The following SORCS1 variants were observed in gnomAD, a reference collection of about 807,000 sequenced individuals.
SORCS1 encodes the protein sortilin related VPS10 domain containing receptor 1.
Under a neutral mutation model 146.1 loss-of-function variants are expected in SORCS1, and 60 were observed. That is an observed-to-expected ratio of 0.41 (90% CI 0.33 to 0.51). The LOEUF (loss-of-function observed/expected upper bound fraction) is 0.51. Ranked by LOEUF, SORCS1 falls within the 20% of genes least tolerant of loss-of-function variation. The pLI, the probability that SORCS1 is intolerant of heterozygous loss-of-function variation, is 0.21. For missense variants in SORCS1, 1,352 were observed against 1,487.6 expected, an observed-to-expected ratio of 0.91 and a Z score of 1.50; for synonymous variants, 637 against 584.0, an observed-to-expected ratio of 1.09 and a Z score of -1.31.
chr10:106,621,601 G>C (rs568256750), intron 19 of SORCS1, among the ~76,000 whole-genome samples: 4 of 151,632 alleles, frequency 2.6e-5, no homozygotes, highest in African/African-American at 7.3e-5. Context: ...GACTCCTTCT[G>C]GGGGGGTCTA....
chr10:107,149,865 G>A (rs1968627175), intron 1 of SORCS1, among the ~76,000 whole-genome samples: 1 of 152,150 alleles, frequency 6.6e-6, no homozygotes, highest in Non-Finnish European at 1.5e-5. Context: ...ATCAACCCAA[G>A]ACCCAAGATA....
chr10:106,894,817 A>T (rs1453186778), intron 2 of SORCS1, among the ~76,000 whole-genome samples: 1 of 152,242 alleles, frequency 6.6e-6, no homozygotes, highest in East Asian at 1.9e-4. Flanking sequence ...GAAGAAAGCC[A>T]GGAGTTCTGG....
chr10:106,731,966 G>A (rs1323454246), intron 5 of SORCS1, among the ~76,000 whole-genome samples: 1 of 151,994 alleles, frequency 6.6e-6, no homozygotes, highest in Admixed American at 6.6e-5. Context: ...AAGGTCTGCG[G>A]GTTTTCTGAA....
chr10:106,756,978 C>A (rs1220116313), intron 5 of SORCS1, among the ~76,000 whole-genome samples: 1 of 152,088 alleles, frequency 6.6e-6, no homozygotes, highest in Non-Finnish European at 1.5e-5. Flanking sequence ...TGAGACTGAG[C>A]CCCCGTCTCC....
intron 2 of SORCS1, among the ~76,000 whole-genome samples, chr10:106,934,967 T>A (rs2138647101): frequency 6.6e-6 from 1 of 152,238 alleles, no homozygotes; most frequent in South Asian, 2.1e-4. Context: ...GGGCACAATA[T>A]ACACTACTCA....
chr10:106,592,637 T>C (rs1359997913), intron 24 of SORCS1, among the ~76,000 whole-genome samples: 6 of 152,204 alleles, frequency 3.9e-5, no homozygotes, highest in Non-Finnish European at 1.5e-5. Flanking sequence ...ATCCTGCTTA[T>C]GAGACATGAA....
At chr10:107,086,553 C>A (rs143801012) in intron 1 of SORCS1, among the ~76,000 whole-genome samples, 1 of 152,128 alleles carries the variant, frequency 6.6e-6, no homozygotes. Flanking sequence ...ATTTTGACTT[C>A]GCCATTTATA....
intron 2 of SORCS1, among the ~76,000 whole-genome samples, chr10:106,862,761 C>T (rs1352432005): frequency 6.1e-5 from 7 of 114,340 alleles, no homozygotes; most frequent in East Asian, 2.7e-4. Flanking sequence ...CTGGCTAACA[C>T]GGTGAAACCC....
chr10:106,723,890 T>C (rs2135958683), intron 6 of SORCS1, among the ~76,000 whole-genome samples: 1 of 152,120 alleles, frequency 6.6e-6, no homozygotes, highest in African/African-American at 2.4e-5. Context: ...ATAAAATAAA[T>C]TACCCAGAAT....
At chr10:106,751,958 A>G (rs947316417) in intron 5 of SORCS1, among the ~76,000 whole-genome samples, 2 of 152,214 alleles carry the variant, frequency 1.3e-5, no homozygotes, top group Non-Finnish European at 2.9e-5. Context: ...AGAAGACAAT[A>G]AAGAAATATA....
At chr10:106,995,002 A>G (rs1956931207) in intron 1 of SORCS1, among the ~76,000 whole-genome samples, 2 of 152,102 alleles carry the variant, frequency 1.3e-5, no homozygotes, top group South Asian at 2.1e-4. Flanking sequence ...AGGAGAGTGG[A>G]TATTAGCAGT....
intron 13 of SORCS1, 43 bp downstream of exon 13, chr10:106,677,270 A>G: frequency 6.5e-7 from 1 of 1,541,968 alleles, no homozygotes; most frequent in African/African-American, 1.4e-5. Context: ...TTAGCAGTTC[A>G]GGACCATCAG....
intron 1 of SORCS1, among the ~76,000 whole-genome samples, chr10:107,025,495 A>C (rs969301331): frequency 2.0e-5 from 3 of 152,222 alleles, no homozygotes; most frequent in African/African-American, 7.2e-5. Context: ...TAGAGGGTTA[A>C]ACTAGGGCCA....
intron 18 of SORCS1, among the ~76,000 whole-genome samples, chr10:106,647,007 GTATATA>G (rs57891596): frequency 0.67 from 89,860 of 133,522 alleles, 32,356 homozygotes; most frequent in Non-Finnish European, 0.8. Context: ...GTTTGTATGT[GTATATA>G]TATATATATA....
At chr10:106,577,798 G>T in intron 25 of SORCS1, 1 of 557,488 alleles carries the variant, frequency 1.8e-6, no homozygotes, top group Non-Finnish European at 2.7e-6. Flanking sequence ...CTTGAAGGCA[G>T]AAAAGACTTT....
intron 6 of SORCS1, among the ~76,000 whole-genome samples, chr10:106,723,772 A>C (rs530937768): frequency 6.6e-6 from 1 of 152,188 alleles, no homozygotes; most frequent in African/African-American, 2.4e-5. Context: ...ACACATTCCT[A>C]TGCAGACACT....
At chr10:106,640,898 C>G (rs1480718375) in intron 18 of SORCS1, among the ~76,000 whole-genome samples, 3 of 152,202 alleles carry the variant, frequency 2.0e-5, no homozygotes, top group Non-Finnish European at 4.4e-5. Context: ...TTATGGACTT[C>G]TCTACTCCTC....
chr10:107,176,662 A>C, the SORCS1 span, among the ~76,000 whole-genome samples: 1 of 152,078 alleles, frequency 6.6e-6, no homozygotes, highest in Non-Finnish European at 1.5e-5. Context: ...TTATGTTTTT[A>C]AATTTTTGTA....
At chr10:107,008,238 A>T (rs1490385643) in intron 1 of SORCS1, among the ~76,000 whole-genome samples, 1 of 152,134 alleles carries the variant, frequency 6.6e-6, no homozygotes, top group Non-Finnish European at 1.5e-5. Flanking sequence ...AAGACAGTAC[A>T]ATTTCATTGG....
Sources: gnomAD v4.1 joint callset for allele counts (sites outside exome capture counted in the v4.1 genomes callset) on GRCh38, gnomAD v4.1.1 for gene constraint, MANE v1.5 for transcripts, NCBI Gene and HGNC (gene_info 2026-07-23, HGNC 2026-07-21) for gene names.